Variants in SNX13 observed in about 807,000 individuals in gnomAD.
The protein encoded by SNX13 is sorting nexin-13.
Under a neutral mutation model 133.6 loss-of-function variants are expected in SNX13, and 45 were observed. The ratio of observed to expected loss-of-function variants is 0.34; its 90% CI spans 0.27 to 0.43. The LOEUF is 0.43. Among genes scored for constraint, SNX13 ranks in the 20% least tolerant of loss-of-function variants. SNX13 has a pLI of 1.00. For synonymous variants in SNX13, 414 were observed against 373.9 expected (o/e 1.11, Z -1.24); for missense variants, 1,032 against 1,145.1 (o/e 0.90, Z 1.43).
chr7:17,885,728 T>C (rs913017809), intron 5 of SNX13, among the ~76,000 whole-genome samples: 3 of 152,134 alleles, frequency 2.0e-5, no homozygotes, highest in African/African-American at 7.2e-5. Flanking sequence ...CTCAGGAATC[T>C]GAGACAGGAG....
intron 1 of SNX13, among the ~76,000 whole-genome samples, chr7:17,928,498 C>T (rs1801017824): frequency 6.6e-6 from 1 of 152,090 alleles, no homozygotes. Context: ...TGGCTTAAAA[C>T]CCAAGCATGT....
intron 9 of SNX13, among the ~76,000 whole-genome samples, chr7:17,864,603 A>G (rs1793136197): frequency 6.6e-6 from 1 of 152,226 alleles, no homozygotes; most frequent in African/African-American, 2.4e-5. Context: ...CAAAGAAATA[A>G]TAACAAAGAA....
chr7:17,834,731 T>C (rs1788940541), intron 14 of SNX13, 30 bp downstream of exon 14: 3 of 1,396,984 alleles, frequency 2.1e-6, no homozygotes, highest in African/African-American at 2.9e-5. Context: ...TCAAAAAAGA[T>C]AAAATGATAA....
At chr7:17,912,870 G>A (rs759375662) in intron 1 of SNX13, among the ~76,000 whole-genome samples, 5 of 152,202 alleles carry the variant, frequency 3.3e-5, no homozygotes, top group South Asian at 2.1e-4. Flanking sequence ...AGTGGCGAGT[G>A]TGGAAAGCAC....
At chr7:17,824,873 G>A (rs558402521) in intron 17 of SNX13, among the ~76,000 whole-genome samples, 4 of 151,864 alleles carry the variant, frequency 2.6e-5, no homozygotes, top group African/African-American at 7.2e-5. Flanking sequence ...GGGTTCAAGC[G>A]ATTCTCCTGC....
At chr7:17,936,111 T>G (rs1419213202) in intron 1 of SNX13, among the ~76,000 whole-genome samples, 1 of 152,200 alleles carries the variant, frequency 6.6e-6, no homozygotes, top group Admixed American at 6.5e-5. Context: ...TTCACCTCCA[T>G]GGTTAAATGA....
rs1794625993 is a variant in SNX13 at position 17,875,516 on chromosome 7, G to A, written c.628C>T (p.Arg210Cys). The A allele has an allele frequency of 3.1e-6, 5 of 1,608,748 alleles. No homozygotes were observed. Among genetic ancestry groups the A allele is most frequent in the East Asian group, 2.2e-5 (1 of 44,740 alleles). The change falls in exon 7 of 26, where the codon CGT becomes TGT. Residue 210 changes from arginine (R) to cysteine (C), a missense_variant. Arg to Cys is a radical substitution (Grantham distance 180). Coordinates refer to ENST00000428135, the MANE Select transcript of SNX13 (RefSeq NM_015132.5). ...TTGGGGGAAGTGCACACTAGATCAC[G>A]GCAAACCTCCTTCTCCATTTCAACT... is the stretch of plus-strand genomic sequence containing the variant. ...VEVEMEKEVCRDLVCTSPKDE... is the reference protein window; with the variant it reads ...VEVEMEKEVCCDLVCTSPKDE...
At chr7:17,854,446 C>T (rs1203262446) in intron 9 of SNX13, among the ~76,000 whole-genome samples, 1 of 152,174 alleles carries the variant, frequency 6.6e-6, no homozygotes, top group East Asian at 1.9e-4. Flanking sequence ...CTGTGCTTGA[C>T]TATGACACAT....
In SNX13 at chr7:17,897,390, G is replaced by T; in HGVS notation, c.69C>A (p.Thr23=). 6.2e-7 allele frequency: 1 copy of T among 1,605,210 alleles called. No individual in the cohort carries two copies. The change falls in exon 2 of 26, where the codon ACC becomes ACA. Residue 23 remains threonine (T), a synonymous_variant. Coordinates refer to ENST00000428135, the MANE Select transcript of SNX13 (RefSeq NM_015132.5). The stretch of plus-strand genomic sequence containing the variant: ...AATAAAATATTACAAAGGGTCCAAA[G>T]GTTATCAGAAAAAGGACAATGCCAA... ...GSLGIVLFLI[T]FGPFVIFYLT... is the part of the protein sequence containing the mutation.
At chr7:17,865,404 G>A (rs985090833) in intron 9 of SNX13, among the ~76,000 whole-genome samples, 2 of 151,922 alleles carry the variant, frequency 1.3e-5, no homozygotes, top group African/African-American at 4.8e-5. Flanking sequence ...AATAAAATAC[G>A]TAAGAATAAA....
intron 20 of SNX13, among the ~76,000 whole-genome samples, chr7:17,814,244 A>G (rs1562684957): frequency 6.6e-6 from 1 of 152,194 alleles, no homozygotes; most frequent in Non-Finnish European, 1.5e-5. Context: ...CCAAAGGTTC[A>G]GTAACATGCT....
intron 1 of SNX13, among the ~76,000 whole-genome samples, chr7:17,915,424 C>T (rs1232070957): frequency 6.6e-6 from 1 of 152,160 alleles, no homozygotes; most frequent in Admixed American, 6.5e-5. Flanking sequence ...TAAGTTACAC[C>T]CTCTTGTAAA....
At chr7:17,797,127 CA>C (rs1001189529) in intron 24 of SNX13, among the ~76,000 whole-genome samples, 188 bp from the exon 25 acceptor site, 2 of 150,818 alleles carry the variant, frequency 1.3e-5, no homozygotes, top group Non-Finnish European at 1.5e-5. Context: ...TTTAGGGGTT[CA>C]AAAAAAACGA....
chr7:17,841,412 T>C (rs1789858368), intron 12 of SNX13, among the ~76,000 whole-genome samples: 1 of 152,028 alleles, frequency 6.6e-6, no homozygotes, highest in Admixed American at 6.6e-5. Flanking sequence ...TTTAAGTTTA[T>C]ACCTCAGGCT....
chr7:17,924,977 G>A (rs1800578670), intron 1 of SNX13, among the ~76,000 whole-genome samples: 1 of 152,172 alleles, frequency 6.6e-6, no homozygotes, highest in Admixed American at 6.5e-5. Flanking sequence ...GGAGGCCAAG[G>A]CGGGCAGATC....
At chr7:17,858,061 A>C (rs958294208) in intron 9 of SNX13, among the ~76,000 whole-genome samples, 4 of 152,186 alleles carry the variant, frequency 2.6e-5, no homozygotes, top group African/African-American at 7.2e-5. Flanking sequence ...TGACAAACTC[A>C]CAGTTAACAT....
At chr7:17,801,972 C>G (rs900367630) in intron 21 of SNX13, among the ~76,000 whole-genome samples, 2 of 152,002 alleles carry the variant, frequency 1.3e-5, no homozygotes, top group African/African-American at 2.4e-5. Flanking sequence ...AGTCATGCAT[C>G]GCATAATGAC....
At chr7:17,884,744 A>G (rs1795786304) in intron 5 of SNX13, among the ~76,000 whole-genome samples, 1 of 152,202 alleles carries the variant, frequency 6.6e-6, no homozygotes, top group Admixed American at 6.5e-5. Context: ...GAAAATATAC[A>G]AATGACCAAT....
intron 1 of SNX13, among the ~76,000 whole-genome samples, chr7:17,924,197 C>T (rs1800455721): frequency 6.6e-6 from 1 of 152,066 alleles, no homozygotes; most frequent in Non-Finnish European, 1.5e-5. Flanking sequence ...GAAAAGCTGT[C>T]CCATAAATGG....
Sources: gnomAD v4.1 joint callset for allele counts (sites outside exome capture counted in the v4.1 genomes callset) on GRCh38, gnomAD v4.1.1 for gene constraint, MANE v1.5 for transcripts, NCBI Gene and HGNC (gene_info 2026-07-23, HGNC 2026-07-21) for gene names.